The following EEFSEC variants were observed in gnomAD, a reference collection of about 807,000 sequenced individuals.
EEFSEC encodes eukaryotic elongation factor, selenocysteine-tRNA specific, also known as selenocysteine-specific elongation factor.
In EEFSEC, 43 loss-of-function variants were observed where a neutral mutation model predicts 42.1. The ratio of observed to expected loss-of-function variants is 1.02; its 90% confidence interval spans 0.80 to 1.32. The LOEUF is 1.32. Ranked by LOEUF, EEFSEC falls within the 40% of genes most tolerant of loss-of-function variation. The pLI is 0.00. For synonymous variants in EEFSEC, 354 were observed against 339.1 expected (o/e 1.04, Z -0.48); for missense variants, 745 against 803.6 (o/e 0.93, Z 0.88).
At chr3:128,222,136 C>T (rs1161720124) in intron 1 of EEFSEC, among the ~76,000 whole-genome samples, 2 of 147,454 alleles carry the variant, frequency 1.4e-5, no homozygotes, top group African/African-American at 2.5e-5. Context: ...GGGGTTCAAG[C>T]GATTCTCATG....
At chr3:128,340,137 A>G (rs1413317611) in intron 4 of EEFSEC, among the ~76,000 whole-genome samples, 1 of 152,048 alleles carries the variant, frequency 6.6e-6, no homozygotes, top group Non-Finnish European at 1.5e-5. Context: ...GTATTCCCAG[A>G]CTCACCAAGC....
intron 1 of EEFSEC, among the ~76,000 whole-genome samples, chr3:128,161,928 C>T (rs1046974664): frequency 4.6e-5 from 7 of 152,180 alleles, no homozygotes; most frequent in African/African-American, 1.7e-4. Flanking sequence ...GGGGCTTGAC[C>T]AGGTAGGCCT....
intron 1 of EEFSEC, among the ~76,000 whole-genome samples, chr3:128,209,862 A>G (rs189074038): frequency 6.6e-6 from 1 of 152,362 alleles, no homozygotes; most frequent in African/African-American, 2.4e-5. Context: ...TCATCGTTCA[A>G]TCAAAGAAAT....
At chr3:128,161,715 T>C (rs2065189412) in intron 1 of EEFSEC, among the ~76,000 whole-genome samples, 1 of 152,240 alleles carries the variant, frequency 6.6e-6, no homozygotes. Flanking sequence ...TTGGCGCCCA[T>C]GTGGAGAAGG....
chr3:128,399,333 C>T (rs1265766621), intron 6 of EEFSEC, among the ~76,000 whole-genome samples: 1 of 152,080 alleles, frequency 6.6e-6, no homozygotes, highest in Non-Finnish European at 1.5e-5. Flanking sequence ...GGGTGCGGGG[C>T]GCTGGTTGCC....
chr3:128,352,308 G>A lies in EEFSEC; in HGVS notation c.1444-5909G>A, dbSNP rs572726836. Among the ~76,000 whole-genome samples, 285 of 152,346 alleles carry A rather than the reference G, an allele frequency of 1.9e-3. 5 individuals are homozygous for A. Among genetic ancestry groups the A allele is most frequent in the African/African-American group, 6.3e-3 (262 of 41,572 alleles). ...TAGCCAGACTTCCTTCTGATTAAAT[G>A]AGGTTTCATGCAGCTGACAATCACT... On this transcript the variant is annotated intron_variant, in intron 5 of 6. Coordinates refer to ENST00000254730, the MANE Select transcript of EEFSEC (RefSeq NM_021937.5).
In EEFSEC at chr3:128,324,721, G is replaced by C. The variant is rs149305626; in HGVS notation, c.787-16512G>C. 5.3e-5 allele frequency among the ~76,000 whole-genome samples: 8 copies of C among 152,342 alleles called. No individual in the cohort carries two copies. In the East Asian group the frequency reaches 1.5e-3, roughly 29 times the overall value. ...GTAGGCCTAGGGCTTTGCATGGTCT[G>C]GCTGTACCAGGCCCTCAATTCTTTT... On this transcript the variant is annotated intron_variant, in intron 4 of 6. Coordinates refer to ENST00000254730, the MANE Select transcript of EEFSEC (RefSeq NM_021937.5).
At chr3:128,288,962 G>A (rs2107980773) in intron 4 of EEFSEC, among the ~76,000 whole-genome samples, 1 of 152,338 alleles carries the variant, frequency 6.6e-6, no homozygotes, top group East Asian at 1.9e-4. Context: ...CCTTGAAATG[G>A]TGGCCTTTGC....
chr3:128,302,933 A>G (rs954012720), intron 4 of EEFSEC, among the ~76,000 whole-genome samples: 3 of 152,146 alleles, frequency 2.0e-5, no homozygotes, highest in African/African-American at 7.2e-5. Context: ...TGGCTGTACC[A>G]TATTATTTAA....
At chr3:128,274,537 G>A (rs2066446778) in intron 4 of EEFSEC, among the ~76,000 whole-genome samples, 2 of 152,176 alleles carry the variant, frequency 1.3e-5, no homozygotes, top group Non-Finnish European at 2.9e-5. Flanking sequence ...CATGTTGAGG[G>A]AGCCTAGGTC....
At chr3:128,255,695 T>C (rs921716079) in intron 2 of EEFSEC, among the ~76,000 whole-genome samples, 1 of 152,166 alleles carries the variant, frequency 6.6e-6, no homozygotes, top group African/African-American at 2.4e-5. Flanking sequence ...GGGATTTGTT[T>C]TGAAATATGA....
chr3:128,173,933 G>T (rs1359778718), intron 1 of EEFSEC, among the ~76,000 whole-genome samples: 1 of 152,184 alleles, frequency 6.6e-6, no homozygotes. Flanking sequence ...CAGGGGCTTG[G>T]CCTGCCACGT....
intron 6 of EEFSEC, among the ~76,000 whole-genome samples, chr3:128,390,134 T>C (rs569604549): frequency 8.5e-5 from 13 of 152,370 alleles, no homozygotes; most frequent in Admixed American, 4.6e-4. Flanking sequence ...AACAGTCCCA[T>C]AGTTGGGACT....
At chr3:128,358,097 A>G in intron 5 of EEFSEC, 120 bp from the exon 6 acceptor site, 1 of 1,337,016 alleles carries the variant, frequency 7.5e-7, no homozygotes, top group Non-Finnish European at 1.0e-6. Context: ...CAGGGTTCCT[A>G]GAGCGGGCAG....
rs140839184 is a variant in EEFSEC at position 128,298,823 on chromosome 3, G to T, written c.786+34042G>T. 2.5e-3 allele frequency among the ~76,000 whole-genome samples: 388 copies of T among 152,296 alleles called. 1 individual carries two copies. Among genetic ancestry groups the T allele is most frequent in the African/African-American group, 8.6e-3 (357 of 41,564 alleles). The stretch of plus-strand genomic sequence containing the variant: ...ATTTGAGTGAGAACATATGGTATTT[G>T]TCTTCTGGTGCTTGGCTAATTTCAC... On this transcript the variant is annotated intron_variant, in intron 4 of 6. Transcript: ENST00000254730.
At chr3:128,299,750 A>C (rs2066746497) in intron 4 of EEFSEC, among the ~76,000 whole-genome samples, 1 of 152,182 alleles carries the variant, frequency 6.6e-6, no homozygotes, top group Non-Finnish European at 1.5e-5. Flanking sequence ...CTCAGCCCTA[A>C]CATGAGGATT....
intron 6 of EEFSEC, among the ~76,000 whole-genome samples, chr3:128,364,082 G>A (rs1195256366): frequency 6.6e-6 from 1 of 152,174 alleles, no homozygotes; most frequent in African/African-American, 2.4e-5. Context: ...AGAATTGCTT[G>A]AAGCCAGGAG....
chr3:128,361,509 C>A (rs1417793812), intron 6 of EEFSEC, among the ~76,000 whole-genome samples: 13 of 152,216 alleles, frequency 8.5e-5, no homozygotes, highest in Admixed American at 8.5e-4. Context: ...AGAAAGGACA[C>A]TTGGCCCTCA....
chr3:128,246,320 A>C (rs1340818231), intron 1 of EEFSEC, among the ~76,000 whole-genome samples: 1 of 152,196 alleles, frequency 6.6e-6, no homozygotes. Context: ...CCCAGAAGGA[A>C]TAGGACTGAG....
Sources: gnomAD v4.1 joint callset for allele counts (sites outside exome capture counted in the v4.1 genomes callset) on GRCh38, gnomAD v4.1.1 for gene constraint, MANE v1.5 for transcripts, NCBI Gene and HGNC (gene_info 2026-07-23, HGNC 2026-07-21) for gene names.